Variants in GDAP1 observed in about 807,000 individuals in gnomAD.
GDAP1 encodes the protein ganglioside-induced differentiation-associated protein 1.
In GDAP1, 34 loss-of-function variants were observed where a neutral mutation model predicts 40.1. The ratio of observed to expected loss-of-function variants is 0.85; its 90% CI spans 0.64 to 1.13. The LOEUF is 1.13. GDAP1 is among the 50% of genes most tolerant of loss of function. GDAP1 has a pLI of 0.00. For synonymous variants in GDAP1, 170 were observed against 157.4 expected, an observed-to-expected ratio of 1.08 and a Z score of -0.60; for missense variants, 374 against 433.7, an observed-to-expected ratio of 0.86 and a Z score of 1.22.
intron 2 of GDAP1, among the ~76,000 whole-genome samples, chr8:74,413,638 G>A (rs183414661): frequency 7.4e-5 from 11 of 149,606 alleles, no homozygotes; most frequent in Non-Finnish European, 1.2e-4. Flanking sequence ...GCCTGTAGGA[G>A]CCTAAATCTC....
chr8:74,425,957 A>G (rs973111061), intron 2 of GDAP1, among the ~76,000 whole-genome samples: 1 of 152,144 alleles, frequency 6.6e-6, no homozygotes, highest in Admixed American at 6.5e-5. Context: ...TCTGATTTGC[A>G]TCCTGCACTG....
intron 2 of GDAP1, among the ~76,000 whole-genome samples, chr8:74,359,509 A>G (rs151048028): frequency 2.6e-3 from 389 of 152,354 alleles, no homozygotes; most frequent in African/African-American, 8.8e-3. Context: ...TATTTGAGCA[A>G]AGGCCTTTCC....
chr8:74,363,838 A>T, intron 5 of GDAP1, 147 bp from the exon 6 acceptor site: 1 of 693,194 alleles, frequency 1.4e-6, no homozygotes. Flanking sequence ...TTATTCTCTG[A>T]GTGTGGCTGT....
chr8:74,449,102 A>T (rs960694870), intron 2 of GDAP1, among the ~76,000 whole-genome samples: 1 of 151,576 alleles, frequency 6.6e-6, no homozygotes, highest in Admixed American at 6.6e-5. Flanking sequence ...TTATTAAAAA[A>T]CCTTTCCTCC....
chr8:74,405,849 T>C (rs1269934885), intron 2 of GDAP1, among the ~76,000 whole-genome samples: 1 of 149,776 alleles, frequency 6.7e-6, no homozygotes, highest in Non-Finnish European at 1.5e-5. Context: ...AATTTCAATA[T>C]TTCAGCATTG....
intron 2 of GDAP1, among the ~76,000 whole-genome samples, chr8:74,485,674 G>C (rs1806767445): frequency 6.6e-6 from 1 of 152,022 alleles, no homozygotes; most frequent in South Asian, 2.1e-4. Context: ...GACAGAGAGA[G>C]GCTTGGTCTT....
chr8:74,473,760 T>C (rs1438157589), intron 2 of GDAP1, among the ~76,000 whole-genome samples: 2 of 152,210 alleles, frequency 1.3e-5, no homozygotes, highest in Non-Finnish European at 2.9e-5. Context: ...CTTTGTTCTT[T>C]TATTTAGGAT....
chr8:74,366,366 G>C lies in GDAP1; in HGVS notation c.*1999G>C, dbSNP rs1337969215. On this transcript the variant is annotated 3_prime_UTR_variant, in exon 6 of 6. Transcript: ENST00000220822. ...TTCTAAAATGTTTCAAGCAAAGATA[G>C]TAATGACCTCAGTTTCTGAAATAAG... 1 of 454,294 alleles carries C rather than the reference G, an allele frequency of 2.2e-6. No homozygotes were observed. Among genetic ancestry groups the C allele is most frequent in the Non-Finnish European group, 4.4e-6 (1 of 226,744 alleles). The allele number at this position is 454,294 out of a possible 1,614,324, so 28.1% of individuals were successfully genotyped here.
chr8:74,378,235 TCAAAGACA>T (rs1213898395), intron 2 of GDAP1, among the ~76,000 whole-genome samples: 4 of 152,208 alleles, frequency 2.6e-5, no homozygotes, highest in Non-Finnish European at 5.9e-5. Context: ...ACTGTGGGAC[TCAAAGACA>T]CTCTCCTAGG....
intron 2 of GDAP1, among the ~76,000 whole-genome samples, chr8:74,422,352 C>CTTCCCTTCCTTCCTTCCTT (rs1563465558): frequency 2.9e-5 from 1 of 34,214 alleles, no homozygotes; most frequent in African/African-American, 1.0e-4. Flanking sequence ...TTTCTTTCTT[C>CTTCCCTTCCTTCCTTCCTT]CCTTCCTTCC....
At chr8:74,421,525 A>T (rs1323372390) in intron 2 of GDAP1, among the ~76,000 whole-genome samples, 1 of 152,128 alleles carries the variant, frequency 6.6e-6, no homozygotes. Flanking sequence ...AAAGCCTACA[A>T]CCTGAAGAGC....
chr8:74,395,295 G>T (rs6982958), intron 2 of GDAP1, among the ~76,000 whole-genome samples: 27,759 of 152,064 alleles, frequency 0.18, 2,831 homozygotes, highest in Admixed American at 0.31. Context: ...CAGGGACCTG[G>T]TCCTGTCCAA....
intron 2 of GDAP1, among the ~76,000 whole-genome samples, chr8:74,401,336 T>G (rs1810333605): frequency 6.7e-6 from 1 of 149,762 alleles, no homozygotes; most frequent in Non-Finnish European, 1.5e-5. Context: ...TTCTTCCAGT[T>G]GATCGCATTA....
chr8:74,469,521 A>G (rs1806517476), intron 2 of GDAP1, among the ~76,000 whole-genome samples: 1 of 151,678 alleles, frequency 6.6e-6, no homozygotes, highest in Admixed American at 6.6e-5. Context: ...ACAAAAAATT[A>G]GCCGGGCGCG....
At chr8:74,465,505 G>A (rs1806457915) in intron 2 of GDAP1, among the ~76,000 whole-genome samples, 1 of 152,144 alleles carries the variant, frequency 6.6e-6, no homozygotes, top group Admixed American at 6.5e-5. Context: ...TAGCCTGATA[G>A]GTTCTCCACT....
intron 2 of GDAP1, among the ~76,000 whole-genome samples, chr8:74,391,645 C>T (rs1586819331): frequency 6.6e-6 from 1 of 152,022 alleles, no homozygotes; most frequent in East Asian, 1.9e-4. Flanking sequence ...CCAGCCACCC[C>T]CACATCTTTT....
At chr8:74,445,646 T>C (rs1483299059) in intron 2 of GDAP1, among the ~76,000 whole-genome samples, 1 of 152,174 alleles carries the variant, frequency 6.6e-6, no homozygotes, top group African/African-American at 2.4e-5. Context: ...CACATGCTGA[T>C]TTGTATACCA....
At chr8:74,374,917 G>C (rs1260426147) in intron 2 of GDAP1, among the ~76,000 whole-genome samples, 1 of 152,188 alleles carries the variant, frequency 6.6e-6, no homozygotes. Context: ...TATCATGTAT[G>C]AAGTGAGAAA....
At chr8:74,458,982 G>A (rs2131579116) in intron 2 of GDAP1, among the ~76,000 whole-genome samples, 1 of 152,256 alleles carries the variant, frequency 6.6e-6, no homozygotes, top group Admixed American at 6.5e-5. Context: ...CAGACTATGG[G>A]AGAAAAAATT....
Sources: gnomAD v4.1 joint callset for allele counts (sites outside exome capture counted in the v4.1 genomes callset) on GRCh38, gnomAD v4.1.1 for gene constraint, MANE v1.5 for transcripts, NCBI Gene and HGNC (gene_info 2026-07-23, HGNC 2026-07-21) for gene names.